Variants in KIAA1671 observed in about 807,000 individuals in gnomAD.
KIAA1671 encodes KIAA1671, also known as uncharacterized protein KIAA1671.
Under a neutral mutation model 131.2 loss-of-function variants are expected in KIAA1671, and 52 were observed. The observed-to-expected ratio is 0.40, with a 90% CI of 0.32 to 0.50. The LOEUF is 0.50. KIAA1671 is among the 20% of genes least tolerant of loss of function. KIAA1671 has a pLI of 0.73. For missense variants in KIAA1671, 2,360 were observed against 2,364.2 expected, an observed-to-expected ratio of 1.00 and a Z score of 0.04; for synonymous variants, 1,003 against 961.6, an observed-to-expected ratio of 1.04 and a Z score of -0.80.
chr22:25,115,403 G>A (rs1053813929), intron 6 of KIAA1671, among the ~76,000 whole-genome samples: 1 of 152,156 alleles, frequency 6.6e-6, no homozygotes, highest in South Asian at 2.1e-4. Flanking sequence ...AACTCACCAC[G>A]TGCAAACTGA....
chr22:25,038,424 C>T (rs896181668), intron 4 of KIAA1671, among the ~76,000 whole-genome samples: 9 of 152,246 alleles, frequency 5.9e-5, no homozygotes, highest in African/African-American at 2.2e-4. Context: ...TTTGCTTGCA[C>T]CAACGGTGCT....
intron 1 of KIAA1671, among the ~76,000 whole-genome samples, chr22:25,003,400 ATTTTTTTTTTTTT>A (rs71191013): frequency 0.21 from 24,420 of 114,040 alleles, 2,616 homozygotes; most frequent in Middle Eastern, 0.34. Context: ...ACTTGGAGAG[ATTTTTTTTTTTTT>A]TTTTTTTTTT....
intron 1 of KIAA1671, among the ~76,000 whole-genome samples, chr22:24,963,823 C>T (rs1179115139): frequency 6.6e-6 from 1 of 151,648 alleles, no homozygotes; most frequent in African/African-American, 2.4e-5. Context: ...GCCTGTATTC[C>T]CAGCTACTCA....
chr22:25,001,203 GTGTA>G (rs1328047794), intron 1 of KIAA1671, among the ~76,000 whole-genome samples: 1 of 146,322 alleles, frequency 6.8e-6, no homozygotes, highest in Non-Finnish European at 1.5e-5. Context: ...ATGTGTGTAT[GTGTA>G]TGTATGTGTA....
intron 9 of KIAA1671, among the ~76,000 whole-genome samples, chr22:25,181,080 C>T (rs1934255684): frequency 6.6e-6 from 1 of 152,130 alleles, no homozygotes; most frequent in Admixed American, 6.6e-5. Flanking sequence ...ATCCCCGCCC[C>T]CTCCTCCAAT....
intron 1 of KIAA1671, among the ~76,000 whole-genome samples, chr22:24,983,581 C>G (rs1477450574): frequency 6.6e-6 from 1 of 151,254 alleles, no homozygotes; most frequent in Non-Finnish European, 1.5e-5. Context: ...GCCATTAAAG[C>G]TCAGACTTAA....
At chr22:24,980,463 G>A (rs1210669373) in intron 1 of KIAA1671, among the ~76,000 whole-genome samples, 1 of 151,396 alleles carries the variant, frequency 6.6e-6, no homozygotes, top group East Asian at 1.9e-4. Context: ...GTAGAGACGG[G>A]GTTTCTCCAT....
chr22:25,087,381 C>A (rs925959886), intron 6 of KIAA1671, among the ~76,000 whole-genome samples: 1 of 152,110 alleles, frequency 6.6e-6, no homozygotes, highest in African/African-American at 2.4e-5. Flanking sequence ...CTCAGGAGTT[C>A]GAGACCAGTC....
At chr22:25,159,359 T>C (rs1213543303) in intron 6 of KIAA1671, among the ~76,000 whole-genome samples, 1 of 152,086 alleles carries the variant, frequency 6.6e-6, no homozygotes, top group African/African-American at 2.4e-5. Context: ...CTGCGGATCA[T>C]TATGCGATGT....
At chr22:25,027,870 C>T (rs1327565829) in intron 2 of KIAA1671, 75 bp from the exon 3 acceptor site, 2 of 752,060 alleles carry the variant, frequency 2.7e-6, no homozygotes, top group African/African-American at 3.5e-5. Context: ...TGTCCCATTT[C>T]TCTAAACCAT....
intron 4 of KIAA1671, among the ~76,000 whole-genome samples, chr22:25,033,573 C>CTTT (rs1926407784): frequency 1.4e-4 from 10 of 71,694 alleles, no homozygotes; most frequent in Non-Finnish European, 1.9e-4. Flanking sequence ...GGTTTGTTTT[C>CTTT]GTTTTTTTTT....
At chr22:25,063,061 G>A (rs1363924632) in intron 6 of KIAA1671, 1 of 151,946 alleles carries the variant, frequency 6.6e-6, no homozygotes, top group Non-Finnish European at 1.5e-5. Flanking sequence ...CAGAGAAGAG[G>A]GTCTTGAAAC....
chr22:24,982,766 G>C (rs2123832047), intron 1 of KIAA1671, among the ~76,000 whole-genome samples: 1 of 152,340 alleles, frequency 6.6e-6, no homozygotes, highest in South Asian at 2.1e-4. Flanking sequence ...ACAGATCCCA[G>C]AGGGCACAGG....
intron 11 of KIAA1671, among the ~76,000 whole-genome samples, chr22:25,190,255 G>A (rs58577915): frequency 0.023 from 3,468 of 152,106 alleles, 117 homozygotes; most frequent in African/African-American, 0.079. Flanking sequence ...TGAGAAGCTC[G>A]CAACCTAGAT....
intron 1 of KIAA1671, among the ~76,000 whole-genome samples, chr22:24,984,869 G>A (rs1278294339): frequency 7.1e-6 from 1 of 141,128 alleles, no homozygotes; most frequent in Non-Finnish European, 1.5e-5. Context: ...AGCCGAGATC[G>A]TGTCATTGCA....
rs190664557 is a variant in KIAA1671, at chr22:25,009,461, C to T, written c.-207-16172C>T. ...TGTATTTTTAGAAGAGATGGGGTTT[C>T]GCTATGTTGGCCAGGCTGGTCTCGA... On this transcript the variant is annotated intron_variant, in intron 1 of 12. Transcript: ENST00000358431. 1.4e-4 allele frequency among the ~76,000 whole-genome samples: 21 copies of T among 151,336 alleles called. 1 individual carries two copies. The highest frequency in any genetic ancestry group is 3.6e-4 in the African/African-American group (15 of 41,302).
At chr22:24,990,133 C>T (rs1248579529) in intron 1 of KIAA1671, among the ~76,000 whole-genome samples, 1 of 152,018 alleles carries the variant, frequency 6.6e-6, no homozygotes, top group Non-Finnish European at 1.5e-5. Context: ...TCTTGTCACC[C>T]AGGCTGGAGT....
chr22:25,090,566 T>C (rs1929976936), intron 6 of KIAA1671, among the ~76,000 whole-genome samples: 1 of 152,262 alleles, frequency 6.6e-6, no homozygotes, highest in South Asian at 2.1e-4. Flanking sequence ...CGGAGAACTT[T>C]TCTGAGGCCT....
chr22:25,183,545 T>A (rs904303970), intron 10 of KIAA1671, among the ~76,000 whole-genome samples: 3 of 150,532 alleles, frequency 2.0e-5, no homozygotes, highest in African/African-American at 7.3e-5. Flanking sequence ...TCTTTTTTTG[T>A]TTTTTGAGAC....
Sources: gnomAD v4.1 joint callset for allele counts (sites outside exome capture counted in the v4.1 genomes callset) on GRCh38, gnomAD v4.1.1 for gene constraint, MANE v1.5 for transcripts, NCBI Gene and HGNC (gene_info 2026-07-23, HGNC 2026-07-21) for gene names.